Variants in KCTD8 observed in about 807,000 individuals in gnomAD.
The protein encoded by KCTD8 is BTB/POZ domain-containing protein KCTD8.
In KCTD8, 27 loss-of-function variants were observed where a neutral mutation model predicts 31.5. The observed-to-expected ratio is 0.86, with a 90% CI of 0.63 to 1.18. The LOEUF is 1.18. KCTD8 is among the 50% of genes most tolerant of loss of function. The pLI, the probability that KCTD8 is intolerant of heterozygous loss-of-function variation, is 0.00. For missense variants in KCTD8, 658 were observed against 647.7 expected, an observed-to-expected ratio of 1.02 and a Z score of -0.17; for synonymous variants, 290 against 280.0, an observed-to-expected ratio of 1.04 and a Z score of -0.36.
At chr4:44,293,407 C>T in intron 1 of KCTD8, 1 of 454,706 alleles carries the variant, frequency 2.2e-6, no homozygotes, top group South Asian at 1.6e-5. Context: ...ACCTTACCTG[C>T]TGCCAAGCAT....
At chr4:44,335,111 G>T (rs1158970416) in intron 1 of KCTD8, among the ~76,000 whole-genome samples, 1 of 152,086 alleles carries the variant, frequency 6.6e-6, no homozygotes, top group Non-Finnish European at 1.5e-5. Context: ...AAGTTAGGAT[G>T]AAAAGTTACA....
At chr4:44,238,260 G>A (rs932990917) in intron 1 of KCTD8, among the ~76,000 whole-genome samples, 2 of 151,960 alleles carry the variant, frequency 1.3e-5, no homozygotes, top group Admixed American at 6.6e-5. Flanking sequence ...CTCCCTAAGG[G>A]AAGCTGCCTT....
intron 1 of KCTD8, among the ~76,000 whole-genome samples, chr4:44,365,526 C>A (rs1199622307): frequency 6.6e-6 from 1 of 151,876 alleles, no homozygotes; most frequent in Non-Finnish European, 1.5e-5. Flanking sequence ...AGAACAATGA[C>A]ATTAAGTAAA....
chr4:44,413,738 A>T (rs1297201512), intron 1 of KCTD8, among the ~76,000 whole-genome samples: 1 of 151,998 alleles, frequency 6.6e-6, no homozygotes, highest in East Asian at 1.9e-4. Flanking sequence ...TTCACCCCCA[A>T]TTCCTGGATT....
At position 44,316,256 on chromosome 4, in the gene KCTD8, C is replaced by T. The variant is rs73193255; in HGVS notation, c.961+131307G>A. Among the ~76,000 whole-genome samples the T allele has an allele frequency of 8.7e-3, 1,322 of 151,822 alleles. 25 individuals are homozygous for T. Among genetic ancestry groups the T allele is most frequent in the African/African-American group, 0.031 (1,270 of 41,398 alleles). On this transcript the variant is annotated intron_variant, in intron 1 of 1. Transcript: ENST00000360029. ...GGACTTTGGCTATCTTTTTTATTTC[C>T]ACACTCATTTATTAAATTTATAAAC... is the stretch of plus-strand genomic sequence containing the variant.
chr4:44,302,458 G>A (rs139779994), intron 1 of KCTD8, among the ~76,000 whole-genome samples: 4,481 of 152,122 alleles, frequency 0.029, 253 homozygotes, highest in African/African-American at 0.1. Flanking sequence ...GGATTCCTAA[G>A]TATTTTATTC....
At chr4:44,286,581 T>G (rs1330478656) in intron 1 of KCTD8, among the ~76,000 whole-genome samples, 1 of 152,028 alleles carries the variant, frequency 6.6e-6, no homozygotes, top group African/African-American at 2.4e-5. Context: ...TAGCTGGGCA[T>G]GTGGATGAAG....
chr4:44,324,072 AC>A (rs767802189), intron 1 of KCTD8, among the ~76,000 whole-genome samples: 169 of 150,228 alleles, frequency 1.1e-3, no homozygotes, highest in East Asian at 6.2e-3. Flanking sequence ...ACAAAACAAA[AC>A]AAAAAAAAAA....
chr4:44,207,521 G>C (rs1417291802), intron 1 of KCTD8, among the ~76,000 whole-genome samples: 1 of 152,142 alleles, frequency 6.6e-6, no homozygotes, highest in Non-Finnish European at 1.5e-5. Context: ...AATATCTGTT[G>C]AATTGTTGAA....
intron 1 of KCTD8, among the ~76,000 whole-genome samples, chr4:44,442,778 C>CACGTAT (rs1197625394): frequency 1.3e-5 from 2 of 149,222 alleles, no homozygotes; most frequent in South Asian, 2.1e-4. Flanking sequence ...AAGGTATACA[C>CACGTAT]ACACACACAC....
intron 1 of KCTD8, among the ~76,000 whole-genome samples, chr4:44,393,634 A>G (rs1720424693): frequency 6.6e-6 from 1 of 151,692 alleles, no homozygotes; most frequent in Non-Finnish European, 1.5e-5. Context: ...GAAAACTTTT[A>G]TGTATTTACA....
At chr4:44,405,386 T>C (rs1030867176) in intron 1 of KCTD8, among the ~76,000 whole-genome samples, 1 of 152,086 alleles carries the variant, frequency 6.6e-6, no homozygotes, top group African/African-American at 2.4e-5. Context: ...GCCTCCTAAG[T>C]AGCTTGGACT....
At chr4:44,419,680 G>A (rs965546928) in intron 1 of KCTD8, among the ~76,000 whole-genome samples, 40 of 151,616 alleles carry the variant, frequency 2.6e-4, no homozygotes, top group African/African-American at 9.0e-4. Context: ...GGCAGGGAGT[G>A]TCACATACCG....
rs1391237282 is a variant in KCTD8 at position 44,377,581 on chromosome 4, C to A, written c.961+69982G>T. Among the ~76,000 whole-genome samples, 5 of 152,170 alleles carry A rather than the reference C, an allele frequency of 3.3e-5. No individual in the cohort carries two copies. In the South Asian group the frequency reaches 1.0e-3, roughly 31 times the overall value. ...AACATATGCTTGGGGAAAACCAGAA[C>A]TAAAGAAGGGCCAGAGTGGGTCCAG... On this transcript the variant is annotated intron_variant, in intron 1 of 1. Coordinates refer to ENST00000360029, the MANE Select transcript of KCTD8 (RefSeq NM_198353.3).
chr4:44,310,344 T>C (rs1327795162), intron 1 of KCTD8, among the ~76,000 whole-genome samples: 1 of 152,086 alleles, frequency 6.6e-6, no homozygotes, highest in Non-Finnish European at 1.5e-5. Flanking sequence ...TATAATTAAG[T>C]GTTGAATTCA....
chr4:44,331,633 G>A (rs1428074534), intron 1 of KCTD8, among the ~76,000 whole-genome samples: 2 of 150,762 alleles, frequency 1.3e-5, no homozygotes, highest in African/African-American at 2.4e-5. Context: ...TGATTTTGAA[G>A]ATGATAGTAA....
intron 1 of KCTD8, among the ~76,000 whole-genome samples, chr4:44,433,285 G>C (rs1003785552): frequency 6.6e-6 from 1 of 151,704 alleles, no homozygotes; most frequent in South Asian, 2.1e-4. Flanking sequence ...CACAAAGTCT[G>C]ACCTAAGACA....
intron 1 of KCTD8, among the ~76,000 whole-genome samples, chr4:44,220,025 T>C (rs1714763380): frequency 6.6e-6 from 1 of 152,176 alleles, no homozygotes. Context: ...GAAGTAATGG[T>C]GGGGATCTGA....
chr4:44,415,304 T>C (rs1721048490), intron 1 of KCTD8, among the ~76,000 whole-genome samples: 1 of 152,132 alleles, frequency 6.6e-6, no homozygotes, highest in South Asian at 2.1e-4. Flanking sequence ...GACTTATATT[T>C]AAAAGAGAAG....
Sources: allele counts gnomAD v4.1 joint callset (sites outside exome capture counted in the v4.1 genomes callset), GRCh38; gene constraint gnomAD v4.1.1; transcripts MANE v1.5; gene names NCBI Gene and HGNC (gene_info 2026-07-23, HGNC 2026-07-21).